SORCS1: variants seen among roughly 807,000 people sequenced by gnomAD.
The protein encoded by SORCS1 is VPS10 domain-containing receptor SorCS1.
Under a neutral mutation model 146.1 loss-of-function variants are expected in SORCS1, and 60 were observed. The ratio of observed to expected loss-of-function variants is 0.41; its 90% CI spans 0.33 to 0.51. The LOEUF (loss-of-function observed/expected upper bound fraction) is 0.51, where lower values mean the gene tolerates loss of function less well. Ranked by LOEUF, SORCS1 falls within the 20% of genes least tolerant of loss-of-function variation. The pLI, the probability that SORCS1 is intolerant of heterozygous loss-of-function variation, is 0.21. For missense variants in SORCS1, 1,352 were observed against 1,487.6 expected, an observed-to-expected ratio of 0.91 and a Z score of 1.50; for synonymous variants, 637 against 584.0, an observed-to-expected ratio of 1.09 and a Z score of -1.31.
At chr10:107,165,566 T>TTCC (rs1440605394), upstream of SORCS1, among the ~76,000 whole-genome samples, 1 of 152,210 alleles carries the variant, frequency 6.6e-6, no homozygotes, top group Admixed American at 6.5e-5. This position sits in a 1 kb window ranked among gnomAD's most constrained non-coding sequence, Gnocchi z 4.0. Flanking sequence ...GTTTACCATT[T>TTCC]TCCTCAGTAC....
chr10:106,757,238 GA>G (rs1302186351), intron 5 of SORCS1, among the ~76,000 whole-genome samples: 1 of 152,090 alleles, frequency 6.6e-6, no homozygotes, highest in Non-Finnish European at 1.5e-5. Context: ...AGGTGATGAG[GA>G]AAAAATATGA....
chr10:106,704,422 TGGC>T (rs1854359591), intron 8 of SORCS1, among the ~76,000 whole-genome samples: 1 of 149,698 alleles, frequency 6.7e-6, no homozygotes, highest in African/African-American at 2.6e-5. Flanking sequence ...CCAGGCTCAG[TGGC>T]TCACACCTGT....
chr10:106,799,550 C>T (rs570038771), intron 3 of SORCS1, among the ~76,000 whole-genome samples: 6 of 152,172 alleles, frequency 3.9e-5, no homozygotes, highest in African/African-American at 1.2e-4. Flanking sequence ...AACAAACAAC[C>T]CCATCAAAAA....
intron 1 of SORCS1, among the ~76,000 whole-genome samples, chr10:106,963,677 G>A (rs188725580): frequency 3.2e-4 from 49 of 151,650 alleles, no homozygotes; most frequent in African/African-American, 1.1e-3. Context: ...TCCTGGGGGG[G>A]GGCCATACAT....
At chr10:107,086,953 T>C (rs905735818) in intron 1 of SORCS1, among the ~76,000 whole-genome samples, 6 of 152,158 alleles carry the variant, frequency 3.9e-5, no homozygotes, top group African/African-American at 1.4e-4. Flanking sequence ...GGTGTGAACC[T>C]GGGAGGCGGA....
Position 106,962,394 on chromosome 10 carries a change from CAAAA to C in SORCS1, c.559-5818_559-5815del, listed in dbSNP as rs60616146. Among the ~76,000 whole-genome samples, 16 of 62,592 alleles carry C rather than the reference CAAAA, an allele frequency of 2.6e-4. 1 individual carries two copies. The highest frequency in any genetic ancestry group is 1.1e-3 in the East Asian group (2 of 1,792). The allele number at this position is 62,592 out of a possible 152,430, so 41.1% of individuals were successfully genotyped here. Reference sequence around the variant, plus strand: ...GGGCAACAAGAGCAAAACTCCATCTCAAAAAAAAAAAAAAAAAAAAAGAAAGAAA... The same window carrying C: ...GGGCAACAAGAGCAAAACTCCATCTCAAAAAAAAAAAAAAAAAGAAAGAAA... On this transcript the variant is annotated intron_variant, in intron 1 of 25. Transcript: ENST00000263054.
At chr10:107,005,330 G>A (rs1016969951) in intron 1 of SORCS1, among the ~76,000 whole-genome samples, 3 of 151,622 alleles carry the variant, frequency 2.0e-5, no homozygotes, top group Admixed American at 1.3e-4. Context: ...TGTCTCTTTC[G>A]GGGGCGGGGG....
intron 2 of SORCS1, among the ~76,000 whole-genome samples, chr10:106,902,628 GT>G (rs1366077814): frequency 6.6e-6 from 1 of 152,190 alleles, no homozygotes; most frequent in East Asian, 1.9e-4. Flanking sequence ...GGTATAACTG[GT>G]GGTGGTCTTA....
intron 1 of SORCS1, among the ~76,000 whole-genome samples, chr10:106,989,693 T>TTTTTTTTTTTTTG (rs1956682016): frequency 7.6e-6 from 1 of 131,168 alleles, no homozygotes; most frequent in African/African-American, 2.8e-5. Flanking sequence ...TTTTTTTTTT[T>TTTTTTTTTTTTTG]TTTTTTTTTC....
At chr10:106,594,446 T>G (rs1845791426) in intron 24 of SORCS1, among the ~76,000 whole-genome samples, 1 of 152,228 alleles carries the variant, frequency 6.6e-6, no homozygotes, top group East Asian at 1.9e-4. Flanking sequence ...CGTTTCTTTG[T>G]GGTGGGAACA....
intron 3 of SORCS1, among the ~76,000 whole-genome samples, chr10:106,825,235 C>G (rs1007351491): frequency 1.3e-5 from 2 of 149,948 alleles, no homozygotes; most frequent in African/African-American, 4.9e-5. Flanking sequence ...TACACATCAA[C>G]TCAGAGAATT....
At chr10:107,103,809 T>C (rs1011770749) in intron 1 of SORCS1, among the ~76,000 whole-genome samples, 1 of 152,182 alleles carries the variant, frequency 6.6e-6, no homozygotes, top group African/African-American at 2.4e-5. Flanking sequence ...AACCCCTTTG[T>C]TCTCCTTCAT....
At position 106,626,021 on chromosome 10, in the gene SORCS1, C is replaced by T. The variant is rs573156745; in HGVS notation, c.2662+3181G>A. On this transcript the variant is annotated intron_variant, in intron 19 of 25. Coordinates refer to ENST00000263054, the MANE Select transcript of SORCS1 (RefSeq NM_052918.5). The stretch of plus-strand genomic sequence containing the variant: ...GAGATTACCAGGCGCCCAGCAAGAC[C>T]GGCCCACTCCCAGAAACACTATGCA... Among the ~76,000 whole-genome samples, 6 of 152,278 alleles carry T rather than the reference C, an allele frequency of 3.9e-5. No individual in the cohort carries two copies. The East Asian group carries it at 7.7e-4, about 20-fold the overall frequency.
At chr10:106,682,146 A>AAAAC (rs1852482062) in intron 10 of SORCS1, among the ~76,000 whole-genome samples, 1 of 152,104 alleles carries the variant, frequency 6.6e-6, no homozygotes, top group South Asian at 2.1e-4. Flanking sequence ...AACCAAAACA[A>AAAAC]AAACAAACAA....
chr10:106,688,125 C>T (rs1276541476), intron 10 of SORCS1, 67 bp downstream of exon 10: 8 of 1,561,162 alleles, frequency 5.1e-6, no homozygotes, highest in Non-Finnish European at 6.1e-6. Context: ...CTATCCTCAC[C>T]CTCTGTTAAA....
chr10:106,852,390 A>G (rs1162748454), intron 2 of SORCS1, among the ~76,000 whole-genome samples: 1 of 152,056 alleles, frequency 6.6e-6, no homozygotes, highest in Admixed American at 6.6e-5. Flanking sequence ...AGCACTTTCG[A>G]AGGCTGAGGC....
intron 22 of SORCS1, among the ~76,000 whole-genome samples, chr10:106,610,310 C>T (rs1013434030): frequency 2.0e-5 from 3 of 152,044 alleles, no homozygotes; most frequent in African/African-American, 7.2e-5. Context: ...ACTCCAGAAT[C>T]TGATCTTTAA....
intron 1 of SORCS1, among the ~76,000 whole-genome samples, chr10:107,010,510 G>C (rs1025988502): frequency 1.3e-5 from 2 of 151,984 alleles, no homozygotes; most frequent in African/African-American, 4.8e-5. Flanking sequence ...TAAACATCCT[G>C]CATCGGTGAA....
intron 6 of SORCS1, among the ~76,000 whole-genome samples, chr10:106,716,703 G>C (rs543348327): frequency 3.2e-4 from 49 of 152,230 alleles, no homozygotes; most frequent in African/African-American, 1.2e-3. Flanking sequence ...CTGGGGCTTA[G>C]ACAAACCTTT....
Sources: allele counts gnomAD v4.1 joint callset (sites outside exome capture counted in the v4.1 genomes callset), GRCh38; gene constraint gnomAD v4.1.1; non-coding constraint Gnocchi (gnomAD v3.1); transcripts MANE v1.5; gene names NCBI Gene and HGNC (gene_info 2026-07-23, HGNC 2026-07-21).